Variants in FNDC3A observed in about 807,000 individuals in gnomAD.
FNDC3A encodes fibronectin type-III domain-containing protein 3A.
A neutral mutation model predicts 148.9 loss-of-function variants in FNDC3A; 32 were observed. The observed-to-expected ratio is 0.21, with a 90% CI of 0.16 to 0.29. The LOEUF is 0.29. Ranked by LOEUF, FNDC3A falls within the 10% of genes least tolerant of loss-of-function variation. The pLI is 1.00. For missense variants in FNDC3A, 1,191 were observed against 1,452.8 expected, an observed-to-expected ratio of 0.82 and a Z score of 2.93; for synonymous variants, 472 against 473.6, an observed-to-expected ratio of 1.00 and a Z score of 0.04.
intron 2 of FNDC3A, among the ~76,000 whole-genome samples, chr13:49,023,403 A>T (rs1873469287): frequency 6.6e-6 from 1 of 151,662 alleles, no homozygotes; most frequent in Non-Finnish European, 1.5e-5. Flanking sequence ...ATATGACAAA[A>T]CTAAAATATT....
chr13:49,197,725 G>T lies in FNDC3A; in HGVS notation c.2341G>T (p.Val781Phe). The T allele has an allele frequency of 6.3e-7, 1 of 1,598,930 alleles. No individual in the cohort carries two copies. The highest frequency in any genetic ancestry group is 8.5e-7 in the Non-Finnish European group (1 of 1,176,610). Reference sequence around the variant, plus strand: ...CCTTTATCCTTTTCTTAATTTAAAGGTTCCTTTGAGTAATGGAACAGATGT... The same window carrying T: ...CCTTTATCCTTTTCTTAATTTAAAGTTTCCTTTGAGTAATGGAACAGATGT... ...SATCAQVNWE[V>F]PLSNGTDVTE... The change falls in exon 21 of 26, where the codon GTT (valine) becomes TTT (phenylalanine). Residue 781 changes from valine to phenylalanine, a missense_variant and splice_region_variant. By Grantham distance (50) the Val-to-Phe change is conservative (BLOSUM62 -1). Coordinates refer to ENST00000492622, the MANE Select transcript of FNDC3A (RefSeq NM_001079673.2).
chr13:49,116,409 C>G (rs1365392505), intron 4 of FNDC3A, among the ~76,000 whole-genome samples: 1 of 152,146 alleles, frequency 6.6e-6, no homozygotes, highest in Non-Finnish European at 1.5e-5. Flanking sequence ...CTCTTGAGTG[C>G]TTGGAATATG....
At chr13:49,075,800 G>GCCCCCCCCCCCCCCCCCCCCCCCCC (rs57432537) in intron 3 of FNDC3A, among the ~76,000 whole-genome samples, 15 of 115,218 alleles carry the variant, frequency 1.3e-4, no homozygotes, top group Admixed American at 2.9e-4. Flanking sequence ...TATCACCACT[G>GCCCCCCCCCCCCCCCCCCCCCCCCC]CCCCCCCCAC....
At chr13:49,011,513 C>T (rs34798116) in intron 2 of FNDC3A, among the ~76,000 whole-genome samples, 13 of 152,138 alleles carry the variant, frequency 8.5e-5, no homozygotes, top group Non-Finnish European at 1.5e-4. Flanking sequence ...GGATTACATG[C>T]GTGAGCCACC....
intron 25 of FNDC3A, among the ~76,000 whole-genome samples, chr13:49,204,779 G>A (rs1050528692): frequency 6.6e-6 from 1 of 152,088 alleles, no homozygotes; most frequent in Non-Finnish European, 1.5e-5. Flanking sequence ...CTTCAGTCCT[G>A]TATTTACAGT....
At chr13:49,103,396 G>T (rs920351499) in intron 3 of FNDC3A, among the ~76,000 whole-genome samples, 6 of 152,226 alleles carry the variant, frequency 3.9e-5, no homozygotes, top group Non-Finnish European at 7.3e-5. Flanking sequence ...TATTTTACCA[G>T]TTTGAGTGGC....
intron 8 of FNDC3A, among the ~76,000 whole-genome samples, chr13:49,161,636 G>A (rs1420271599): frequency 6.6e-6 from 1 of 152,146 alleles, no homozygotes; most frequent in African/African-American, 2.4e-5. Flanking sequence ...GCGTGAATTT[G>A]ATCCTGTCAT....
chr13:49,204,890 C>A (rs1459170697), intron 25 of FNDC3A, among the ~76,000 whole-genome samples: 2 of 152,178 alleles, frequency 1.3e-5, no homozygotes, highest in Admixed American at 6.5e-5. Flanking sequence ...TCTCCAACAT[C>A]TTTACTTCAT....
chr13:49,207,330 C>T lies in FNDC3A; in HGVS notation c.3532C>T (p.Leu1178Phe). ...LSDEQCAAVI[L>F]VLFAFFSILI... ...TGACGAGCAGTGTGCTGCCGTCATC[C>T]TTGTGCTGTTTGCTTTCTTTTCCAT... Residue 1178 changes from leucine (L) to phenylalanine (F), a missense_variant, in exon 26 of 26, where the codon CTT (leucine) becomes TTT (phenylalanine). This residue lies in a region of FNDC3A where 751 missense variants were observed against 944.0 expected (regional missense o/e 0.80). Coordinates refer to ENST00000492622, the MANE Select transcript of FNDC3A (RefSeq NM_001079673.2). The T allele has an allele frequency of 6.2e-7, 1 of 1,613,828 alleles. No homozygotes were observed. The highest frequency in any genetic ancestry group is 8.5e-7 in the Non-Finnish European group (1 of 1,179,682).
intron 19 of FNDC3A, among the ~76,000 whole-genome samples, chr13:49,193,595 T>G (rs984307517): frequency 6.6e-6 from 1 of 152,180 alleles, no homozygotes; most frequent in African/African-American, 2.4e-5. Flanking sequence ...AATCATTTGC[T>G]GCCACTAGCA....
chr13:49,109,912 T>C (rs976280754), intron 3 of FNDC3A, among the ~76,000 whole-genome samples: 4 of 152,226 alleles, frequency 2.6e-5, no homozygotes, highest in African/African-American at 9.6e-5. Flanking sequence ...AATTACGTTA[T>C]ACAATGACAT....
In FNDC3A at chr13:49,172,815, G is replaced by T. The variant is rs371389834; in HGVS notation, c.1230+719G>T. Among the ~76,000 whole-genome samples the T allele has an allele frequency of 3.0e-4, 45 of 152,246 alleles. No homozygotes were observed. In the South Asian group the frequency reaches 8.9e-3, roughly 30 times the overall value. On this transcript the variant is annotated intron_variant, in intron 11 of 25. Transcript: ENST00000492622. ...GGATTGGGACCTGGATATTCATGGTGGCCATGACTCAGCCAACCACAGCAA... is the reference window on the plus strand; with the variant it reads ...GGATTGGGACCTGGATATTCATGGTTGCCATGACTCAGCCAACCACAGCAA...
At chr13:49,042,931 A>G (rs1368159038) in intron 2 of FNDC3A, among the ~76,000 whole-genome samples, 1 of 151,966 alleles carries the variant, frequency 6.6e-6, no homozygotes, top group African/African-American at 2.4e-5. Flanking sequence ...TGACTTATGA[A>G]TTATTGAAAC....
At position 49,172,560 on chromosome 13, in the gene FNDC3A, G is replaced by A. The variant is rs190779363; in HGVS notation, c.1230+464G>A. Among the ~76,000 whole-genome samples, 712 of 152,242 alleles carry A rather than the reference G, an allele frequency of 4.7e-3. 8 individuals are homozygous for A. The highest frequency in any genetic ancestry group is 0.016 in the African/African-American group (684 of 41,534). On this transcript the variant is annotated intron_variant, in intron 11 of 25. Transcript: ENST00000492622. ...TTCCTTGCCTTGACCAGCTTCTGTA[G>A]GCTGTCCTCATTACTTGGTTCATGG...
intron 2 of FNDC3A, among the ~76,000 whole-genome samples, chr13:49,024,923 T>C (rs185093327): frequency 6.4e-4 from 97 of 152,156 alleles, no homozygotes; most frequent in African/African-American, 2.0e-3. Flanking sequence ...ATATTTTGCC[T>C]ATTTTTCTCT....
chr13:49,142,381 G>T (rs1882738284), intron 7 of FNDC3A, among the ~76,000 whole-genome samples: 1 of 151,904 alleles, frequency 6.6e-6, no homozygotes, highest in African/African-American at 2.4e-5. Context: ...GTTTTCCTGG[G>T]TTACAGTATC....
intron 12 of FNDC3A, among the ~76,000 whole-genome samples, chr13:49,175,009 A>G (rs926262734): frequency 1.3e-5 from 2 of 151,798 alleles, no homozygotes; most frequent in African/African-American, 4.8e-5. Flanking sequence ...GAGAACTTAC[A>G]TTTTCTATTT....
chr13:49,086,843 C>T (rs938510361), intron 3 of FNDC3A, among the ~76,000 whole-genome samples: 3 of 152,024 alleles, frequency 2.0e-5, no homozygotes, highest in Admixed American at 1.3e-4. Flanking sequence ...ATTAGAGTCG[C>T]TCAAAATAGT....
intron 6 of FNDC3A, 48 bp from the exon 7 acceptor site, chr13:49,138,699 G>A (rs766284115): frequency 1.1e-6 from 1 of 886,980 alleles, no homozygotes; most frequent in Non-Finnish European, 1.7e-6. Flanking sequence ...AGAAGGGATT[G>A]TATCTAAGTT....
Sources: allele counts gnomAD v4.1 joint callset (sites outside exome capture counted in the v4.1 genomes callset), GRCh38; gene constraint gnomAD v4.1.1; regional missense constraint gnomAD v4.1.1; transcripts MANE v1.5; gene names NCBI Gene and HGNC (gene_info 2026-07-23, HGNC 2026-07-21).